GPRC6A: variants seen among roughly 807,000 people sequenced by gnomAD.
The protein encoded by GPRC6A is G protein-coupled receptor family C group 6 member A.
In GPRC6A, 54 loss-of-function variants were observed where a neutral mutation model predicts 47.0. That is an observed-to-expected ratio of 1.15 (90% CI 0.92 to 1.44). The LOEUF is 1.44. Ranked by LOEUF, GPRC6A falls within the 40% of genes most tolerant of loss-of-function variation. The pLI, the probability that GPRC6A is intolerant of heterozygous loss-of-function variation, is 0.00. For missense variants in GPRC6A, 1,112 were observed against 1,105.5 expected (o/e 1.01, Z -0.08); for synonymous variants, 347 against 377.1 (o/e 0.92, Z 0.93).
chr6:116,801,476 A>C, intron 3 of GPRC6A, among the ~76,000 whole-genome samples: 1 of 152,238 alleles, frequency 6.6e-6, no homozygotes, highest in East Asian at 1.9e-4. Flanking sequence ...CTTAATATAT[A>C]AGTATGTCAA....
intron 1 of GPRC6A, among the ~76,000 whole-genome samples, chr6:116,812,105 G>C (rs1773044556): frequency 6.6e-6 from 1 of 152,098 alleles, no homozygotes. Context: ...GACAAAGAGA[G>C]AATTCTAAAA....
chr6:116,809,719 G>A, intron 1 of GPRC6A, 102 bp from the exon 2 acceptor site: 1 of 714,934 alleles, frequency 1.4e-6, no homozygotes, highest in South Asian at 1.9e-5. Context: ...TTCTGGATGA[G>A]TGAAGCTTAT....
rs766684318 is a variant in GPRC6A, at chr6:116,809,349, C to G, written c.463G>C (p.Val155Leu). The change falls in exon 2 of 6, where the codon GTC (valine) becomes CTC (leucine). Residue 155 changes from valine to leucine, a missense_variant. Transcript: ENST00000310357. ...AGCTGTAAATTCAACATCCTGGAGACAGCCATAGTTATTTCTGAGTACCCA... is the reference window on the plus strand; with the variant it reads ...AGCTGTAAATTCAACATCCTGGAGAGAGCCATAGTTATTTCTGAGTACCCA... ...GSGYSEITMA[V>L]SRMLNLQLMP... 3.7e-6 allele frequency: 6 copies of G among 1,613,620 alleles called. No homozygotes were observed. The Admixed American group carries it at 6.7e-5, about 18-fold the overall frequency.
chr6:116,802,347 A>T (rs1349104094), intron 3 of GPRC6A, among the ~76,000 whole-genome samples: 3 of 152,116 alleles, frequency 2.0e-5, no homozygotes, highest in African/African-American at 4.8e-5. Context: ...CATATCATTT[A>T]AAAAAATTTT....
intron 1 of GPRC6A, among the ~76,000 whole-genome samples, chr6:116,810,056 T>A (rs1772976308): frequency 6.6e-6 from 1 of 152,178 alleles, no homozygotes; most frequent in Non-Finnish European, 1.5e-5. Flanking sequence ...ACAGCTTTGG[T>A]TAAAGCTTAA....
In GPRC6A at chr6:116,807,044, C is replaced by T; in HGVS notation, c.661G>A (p.Gly221Arg). 6.2e-7 allele frequency: 1 copy of T among 1,613,754 alleles called. No individual in the cohort carries two copies. The highest frequency in any genetic ancestry group is 1.1e-5 in the South Asian group (1 of 91,062). Reference protein sequence around the residue: ...IGIITTDDDYGRLALNTFIIQ... With the variant: ...IGIITTDDDYRRLALNTFIIQ... ...ATAAAAGTGTTAAGAGCCAATCGTC[C>T]ATAGTCATCATCTGTGGTTATGATG... Residue 221 changes from glycine to arginine, a missense_variant, in exon 3 of 6, where the codon GGA becomes AGA. Gly to Arg is a moderately radical substitution (Grantham distance 125). Transcript: ENST00000310357.
chr6:116,825,535 A>C (rs1773652764), intron 1 of GPRC6A, among the ~76,000 whole-genome samples: 3 of 152,016 alleles, frequency 2.0e-5, no homozygotes, highest in Non-Finnish European at 4.4e-5. Flanking sequence ...TACAAGCAAA[A>C]CTATGGAACA....
In GPRC6A at chr6:116,811,659, A is replaced by G. The variant is rs191616474; in HGVS notation, c.195-2042T>C. Among the ~76,000 whole-genome samples, 333 of 152,276 alleles carry G rather than the reference A, an allele frequency of 2.2e-3. 1 individual carries two copies. The highest frequency in any genetic ancestry group is 7.6e-3 in the African/African-American group (318 of 41,574). On this transcript the variant is annotated intron_variant, in intron 1 of 5. Coordinates refer to ENST00000310357, the MANE Select transcript of GPRC6A (RefSeq NM_148963.4). ...AATGAGAAGTTTACCAAAGACATAG[A>G]TGTCATAAAAGAATCAAACAGAAAT...
At chr6:116,801,682 TAA>T (rs1420633188) in intron 3 of GPRC6A, among the ~76,000 whole-genome samples, 2 of 152,148 alleles carry the variant, frequency 1.3e-5, no homozygotes, top group African/African-American at 4.8e-5. Context: ...ATATAAAAAA[TAA>T]GTTATATTTT....
At chr6:116,795,682 T>C in intron 5 of GPRC6A, 30 bp downstream of exon 5, 3 of 1,528,976 alleles carry the variant, frequency 2.0e-6, no homozygotes, top group Non-Finnish European at 2.7e-6. Flanking sequence ...AGAGGAATGA[T>C]TCAGGTGTAT....
chr6:116,813,848 C>T (rs893720193), intron 1 of GPRC6A, among the ~76,000 whole-genome samples: 2 of 152,156 alleles, frequency 1.3e-5, no homozygotes, highest in Admixed American at 1.3e-4. Context: ...AAAATTATTG[C>T]AATCTACCCA....
rs1772643421 is a variant in GPRC6A, at chr6:116,800,676, T to C, written c.1456A>G (p.Met486Val). 3.1e-6 allele frequency: 5 copies of C among 1,611,810 alleles called. No individual in the cohort carries two copies. The highest frequency in any genetic ancestry group is 4.2e-6 in the Non-Finnish European group (5 of 1,178,014). ...VVLWKEINGH[M>V]TVTKMAEYDL... ...TATTCTGCCATCTTAGTGACAGTCA[T>C]GTGTCCATTGATCTCCTTCCAGAGC... The change falls in exon 4 of 6, where the codon ATG (methionine) becomes GTG (valine). Residue 486 changes from methionine (M) to valine (V), a missense_variant. Physicochemically the swap from Met to Val is conservative, Grantham distance 21. Coordinates refer to ENST00000310357, the MANE Select transcript of GPRC6A (RefSeq NM_148963.4).
At chr6:116,813,369 T>G (rs771982203) in intron 1 of GPRC6A, among the ~76,000 whole-genome samples, 9 of 152,178 alleles carry the variant, frequency 5.9e-5, no homozygotes, top group Non-Finnish European at 5.9e-5. Context: ...ACTACAAGGC[T>G]ACAGTAACCA....
At chr6:116,812,242 C>G (rs1773050462) in intron 1 of GPRC6A, among the ~76,000 whole-genome samples, 1 of 152,162 alleles carries the variant, frequency 6.6e-6, no homozygotes, top group Non-Finnish European at 1.5e-5. Context: ...GGAAAAAACC[C>G]TGCCAGCCAA....
chr6:116,796,179 G>C (rs1347917576), intron 4 of GPRC6A, among the ~76,000 whole-genome samples: 1 of 151,832 alleles, frequency 6.6e-6, no homozygotes, highest in Admixed American at 6.6e-5. Flanking sequence ...TGAATGAAGG[G>C]TTCCACTAGA....
In GPRC6A at chr6:116,800,553, A is replaced by C. The variant is rs9481673; in HGVS notation, c.1548+31T>G. The C allele has an allele frequency of 2.9e-3, 4,089 of 1,429,928 alleles. 92 individuals carry two copies. In the African/African-American group the frequency reaches 0.051, roughly 18 times the overall value. The allele number at this position is 1,429,928 out of a possible 1,614,324, so 88.6% of individuals were successfully genotyped here. On this transcript the variant is annotated intron_variant, in intron 4 of 5. Transcript: ENST00000310357. ...TGCAGTTGAGGTACCAATTGCTTTG[A>C]GTGCTACAAAACGGCCTACAACAAG...
At chr6:116,818,310 G>A (rs181811067) in intron 1 of GPRC6A, among the ~76,000 whole-genome samples, 17,249 of 149,696 alleles carry the variant, frequency 0.12, 1,156 homozygotes, top group African/African-American at 0.21. Flanking sequence ...CGAGGCGGGC[G>A]GATCACGAGG....
intron 1 of GPRC6A, among the ~76,000 whole-genome samples, chr6:116,826,282 CTATT>C (rs1266929721): frequency 6.6e-6 from 1 of 151,834 alleles, no homozygotes; most frequent in African/African-American, 2.4e-5. Context: ...TATTTGCAGA[CTATT>C]CATCCAACAA....
intron 3 of GPRC6A, among the ~76,000 whole-genome samples, chr6:116,803,740 G>A (rs554824645): frequency 8.7e-4 from 133 of 152,138 alleles, no homozygotes; most frequent in African/African-American, 3.0e-3. Flanking sequence ...CTGGGACTTT[G>A]CTGGAATATT....
Sources: gnomAD v4.1 joint callset for allele counts (sites outside exome capture counted in the v4.1 genomes callset) on GRCh38, gnomAD v4.1.1 for gene constraint, MANE v1.5 for transcripts, NCBI Gene and HGNC (gene_info 2026-07-23, HGNC 2026-07-21) for gene names.